The following UBL3 variants were observed in gnomAD, a reference collection of about 807,000 sequenced individuals.
UBL3 encodes the protein ubiquitin like 3, also known as ubiquitin-like protein 3.
A neutral mutation model predicts 18.4 loss-of-function variants in UBL3; 6 were observed. The observed-to-expected ratio is 0.33, with a 90% CI of 0.18 to 0.64. The LOEUF (loss-of-function observed/expected upper bound fraction) is 0.64. UBL3 is among the 30% of genes least tolerant of loss of function. UBL3 has a pLI of 0.76. For missense variants in UBL3, 109 were observed against 142.9 expected (o/e 0.76, Z 1.21); for synonymous variants, 49 against 46.6 (o/e 1.05, Z -0.21).
At chr13:29,771,205 T>C (rs898199158) in intron 3 of UBL3, among the ~76,000 whole-genome samples, 1 of 152,050 alleles carries the variant, frequency 6.6e-6, no homozygotes, top group Non-Finnish European at 1.5e-5. Context: ...GATTAAATAT[T>C]AGGTTTAGAG....
At chr13:29,848,842 T>C (rs1336272281) in intron 1 of UBL3, among the ~76,000 whole-genome samples, 1 of 152,252 alleles carries the variant, frequency 6.6e-6, no homozygotes, top group Non-Finnish European at 1.5e-5. Flanking sequence ...CTCAATACTA[T>C]GTTTCCTTAG....
intron 3 of UBL3, among the ~76,000 whole-genome samples, chr13:29,771,684 C>T (rs1876844234): frequency 6.6e-6 from 1 of 151,998 alleles, no homozygotes; most frequent in Non-Finnish European, 1.5e-5. Context: ...TAATGTCAGC[C>T]ACCTACTTTA....
intron 1 of UBL3, among the ~76,000 whole-genome samples, chr13:29,819,118 T>C (rs1015866170): frequency 2.6e-5 from 4 of 152,218 alleles, no homozygotes; most frequent in Admixed American, 1.3e-4. Context: ...GTGACAACTG[T>C]TGAAGCTGAG....
At chr13:29,789,335 G>C (rs1565992301) in intron 1 of UBL3, among the ~76,000 whole-genome samples, 1 of 152,086 alleles carries the variant, frequency 6.6e-6, no homozygotes, top group Non-Finnish European at 1.5e-5. Context: ...GGTTAAGATG[G>C]TACACTTTAT....
chr13:29,843,687 G>C (rs1879161771), intron 1 of UBL3, among the ~76,000 whole-genome samples: 1 of 152,058 alleles, frequency 6.6e-6, no homozygotes, highest in Admixed American at 6.5e-5. Context: ...AAAATGTTTG[G>C]CTTTCCAATA....
chr13:29,828,629 C>T (rs1229188632), intron 1 of UBL3, among the ~76,000 whole-genome samples: 1 of 152,208 alleles, frequency 6.6e-6, no homozygotes, highest in Non-Finnish European at 1.5e-5. Flanking sequence ...AAACTTCCTC[C>T]TTTAGCTCGG....
chr13:29,799,064 A>G (rs558540634), intron 1 of UBL3, among the ~76,000 whole-genome samples: 44 of 152,352 alleles, frequency 2.9e-4, no homozygotes, highest in African/African-American at 1.0e-3. Flanking sequence ...GGGTTTCTCA[A>G]CCTCAGCACA....
Position 29,767,112 on chromosome 13 carries a change from G to C in UBL3, c.*143C>G. The C allele has an allele frequency of 1.5e-6, 1 of 668,668 alleles. No individual in the cohort carries two copies. The highest frequency in any genetic ancestry group is 2.4e-6 in the Non-Finnish European group (1 of 415,936). 41.4% of individuals were successfully genotyped at this position (668,668 alleles called of 1,614,324 possible). A position where few individuals can be genotyped will look rare whatever the true frequency, so the allele number is the denominator to read the frequency against. ...GGTTCTTTTTACTTTCATGAGAAAAGATGACAGTGTTCATGTGGTAATTCA... is the reference window on the plus strand; with the variant it reads ...GGTTCTTTTTACTTTCATGAGAAAACATGACAGTGTTCATGTGGTAATTCA... On this transcript the variant is annotated 3_prime_UTR_variant, in exon 5 of 5. Coordinates refer to ENST00000380680, the MANE Select transcript of UBL3 (RefSeq NM_007106.4).
chr13:29,780,424 T>TTTTA (rs1555232312), intron 1 of UBL3, among the ~76,000 whole-genome samples: 4 of 125,184 alleles, frequency 3.2e-5, no homozygotes, highest in Non-Finnish European at 7.1e-5. Flanking sequence ...ATATAATAAG[T>TTTTA]TATATATATA....
At chr13:29,774,759 G>T (rs1412217183) in intron 2 of UBL3, among the ~76,000 whole-genome samples, 1 of 150,796 alleles carries the variant, frequency 6.6e-6, no homozygotes, top group African/African-American at 2.4e-5. Flanking sequence ...GTTTTAAATT[G>T]TATTTTTTTT....
chr13:29,820,098 T>C (rs1878387269), intron 1 of UBL3, among the ~76,000 whole-genome samples: 1 of 139,290 alleles, frequency 7.2e-6, no homozygotes, highest in African/African-American at 2.6e-5. Flanking sequence ...GTCCTAATAG[T>C]AGTATGCGAG....
At chr13:29,829,011 T>C (rs1178765500) in intron 1 of UBL3, among the ~76,000 whole-genome samples, 1 of 152,198 alleles carries the variant, frequency 6.6e-6, no homozygotes, top group Admixed American at 6.5e-5. Flanking sequence ...AAAGCAAATG[T>C]TGCTGCCTGA....
At chr13:29,822,295 T>C (rs1285556882) in intron 1 of UBL3, among the ~76,000 whole-genome samples, 1 of 152,226 alleles carries the variant, frequency 6.6e-6, no homozygotes, top group African/African-American at 2.4e-5. Flanking sequence ...CAGAGATGTA[T>C]ACACATACCA....
At chr13:29,822,513 T>G (rs899449006) in intron 1 of UBL3, among the ~76,000 whole-genome samples, 2 of 152,168 alleles carry the variant, frequency 1.3e-5, no homozygotes, top group African/African-American at 2.4e-5. Flanking sequence ...CTTAGTGAAA[T>G]TACAGGATTA....
chr13:29,801,028 C>A (rs921340122), intron 1 of UBL3, among the ~76,000 whole-genome samples: 5 of 152,182 alleles, frequency 3.3e-5, no homozygotes, highest in African/African-American at 9.7e-5. Flanking sequence ...TCCACCCTGC[C>A]CCTACCCGAA....
chr13:29,836,303 A>G (rs1286598029), intron 1 of UBL3, among the ~76,000 whole-genome samples: 1 of 152,116 alleles, frequency 6.6e-6, no homozygotes, highest in Non-Finnish European at 1.5e-5. Context: ...AGAAGGATAA[A>G]AGAGAGAGAG....
At chr13:29,786,334 C>T (rs1238523480) in intron 1 of UBL3, among the ~76,000 whole-genome samples, 1 of 152,226 alleles carries the variant, frequency 6.6e-6, no homozygotes. Context: ...TGCCCCAAGG[C>T]CTTTACACAG....
At chr13:29,768,374 T>C (rs1007613178) in intron 3 of UBL3, among the ~76,000 whole-genome samples, 2 of 152,054 alleles carry the variant, frequency 1.3e-5, no homozygotes, top group Non-Finnish European at 2.9e-5. Context: ...CTGAGTTTCA[T>C]GGTAAATCCC....
chr13:29,769,928 G>A (rs1158845102), intron 3 of UBL3, among the ~76,000 whole-genome samples: 1 of 151,982 alleles, frequency 6.6e-6, no homozygotes, highest in Non-Finnish European at 1.5e-5. Flanking sequence ...CCACTACTTC[G>A]TGGTCATCCA....
Sources: gnomAD v4.1 joint callset for allele counts (sites outside exome capture counted in the v4.1 genomes callset) on GRCh38, gnomAD v4.1.1 for gene constraint, MANE v1.5 for transcripts, NCBI Gene and HGNC (gene_info 2026-07-23, HGNC 2026-07-21) for gene names.